Variants in TMPRSS6 observed in about 807,000 individuals in gnomAD.
The protein encoded by TMPRSS6 is transmembrane protease serine 6.
In TMPRSS6, 67 loss-of-function variants were observed where a neutral mutation model predicts 101.5. That is an observed-to-expected ratio of 0.66 (90% CI 0.54 to 0.81). The LOEUF (loss-of-function observed/expected upper bound fraction) is 0.81, where lower values mean the gene tolerates loss of function less well. TMPRSS6 is among the 30% of genes least tolerant of loss of function. TMPRSS6 has a pLI of 0.00. For missense variants in TMPRSS6, 1,034 were observed against 1,088.7 expected (o/e 0.95, Z 0.71); for synonymous variants, 453 against 464.9 (o/e 0.97, Z 0.33).
At chr22:37,075,481 C>CA (rs1927555690) in intron 10 of TMPRSS6, among the ~76,000 whole-genome samples, 1 of 152,222 alleles carries the variant, frequency 6.6e-6, no homozygotes, top group African/African-American at 2.4e-5. Flanking sequence ...CTGCCCTGCT[C>CA]AAAAATCTTC....
chr22:37,089,544 G>GGCCC, intron 7 of TMPRSS6, 34 bp downstream of exon 7: 21 of 1,348,832 alleles, frequency 1.6e-5, no homozygotes, highest in South Asian at 2.4e-5. Flanking sequence ...CCCTTTTCCA[G>GGCCC]CCCTCCCTCC....
At chr22:37,079,003 A>AAG (rs1439886162) in intron 10 of TMPRSS6, among the ~76,000 whole-genome samples, 5 of 150,030 alleles carry the variant, frequency 3.3e-5, no homozygotes, top group African/African-American at 1.3e-4. Context: ...GAAAGAAAGA[A>AAG]AGAAAGAAAG....
At chr22:37,072,218 GGATGGATGGATGGAT>G (rs563906391) in intron 13 of TMPRSS6, among the ~76,000 whole-genome samples, 30,237 of 100,450 alleles carry the variant, frequency 0.3, 5,000 homozygotes, top group African/African-American at 0.49. Flanking sequence ...GATGGATGAT[GGATGGATGGATGGAT>G]GATGGATGGA....
chr22:37,078,948 G>GA lies in TMPRSS6; in HGVS notation c.1197-3669_1197-3668insT, dbSNP rs1761220624. The stretch of plus-strand genomic sequence containing the variant: ...AGAAGAGGAAGAAGGAGAAGGAGAA[G>GA]GAGAAAAAGAGAAAGAAAGAAAGAA... On this transcript the variant is annotated intron_variant, in intron 10 of 17. Coordinates refer to ENST00000676104, the MANE Select transcript of TMPRSS6 (RefSeq NM_001374504.1). Among the ~76,000 whole-genome samples the GA allele has an allele frequency of 1.9e-4, 20 of 102,724 alleles. 1 individual carries two copies. Among genetic ancestry groups the GA allele is most frequent in the Middle Eastern group, 5.1e-3 (1 of 196 alleles). 67.4% of individuals were successfully genotyped at this position (102,724 alleles called of 152,430 possible).
intron 13 of TMPRSS6, among the ~76,000 whole-genome samples, chr22:37,072,820 G>A (rs1285570226): frequency 6.7e-6 from 1 of 148,888 alleles, no homozygotes; most frequent in African/African-American, 2.5e-5. Context: ...ATGGATGATG[G>A]ATGGATGGAT....
chr22:37,066,278 G>A, intron 17 of TMPRSS6, 40 bp from the exon 18 acceptor site: 7 of 1,561,238 alleles, frequency 4.5e-6, no homozygotes, highest in South Asian at 1.2e-5. Context: ...GCAGGGTAAG[G>A]GCACCCCCTT....
intron 14 of TMPRSS6, 61 bp downstream of exon 14, chr22:37,070,854 TC>T (rs1471470776): frequency 6.6e-7 from 1 of 1,526,050 alleles, no homozygotes; most frequent in Non-Finnish European, 9.0e-7. Context: ...CCCTCCAGCT[TC>T]CTGCTGTGGG....
rs756884155 is a variant in TMPRSS6, at chr22:37,103,207, C to T, written c.202+9G>A. 2.5e-6 allele frequency: 4 copies of T among 1,613,800 alleles called. No homozygotes were observed. Among genetic ancestry groups the T allele is most frequent in the Non-Finnish European group, 3.4e-6 (4 of 1,179,872 alleles). ...CAGGTGCCTCTCCCAGGCGGTCCCA[C>T]AACGTTACCTAGGAAATACCAGAGT... On this transcript the variant is annotated intron_variant, in intron 2 of 17. Transcript: ENST00000676104. The surrounding 1 kb of genome is among the most constrained non-coding windows in gnomAD (Gnocchi z 4.4).
chr22:37,085,468 G>T (rs1452998259), intron 8 of TMPRSS6, among the ~76,000 whole-genome samples: 2 of 152,250 alleles, frequency 1.3e-5, no homozygotes, highest in Admixed American at 1.3e-4. Flanking sequence ...ACCGAGAAGA[G>T]GGCTGGGACC....
Position 37,066,971 on chromosome 22 carries a change from G to GCT in TMPRSS6, c.2114-10_2114-9insAG. The GCT allele has an allele frequency of 6.2e-7, 1 of 1,614,130 alleles. No individual in the cohort carries two copies. The highest frequency in any genetic ancestry group is 8.5e-7 in the Non-Finnish European group (1 of 1,180,020). Reference sequence around the variant, plus strand: ...AGCGTTGCTGATGGGGCCTGTCCGTGGTCAAGGGCAGAAGTGAGATCTCAG... The same window carrying GCT: ...AGCGTTGCTGATGGGGCCTGTCCGTGCTGTCAAGGGCAGAAGTGAGATCTCAG... On this transcript the variant is annotated splice_polypyrimidine_tract_variant and intron_variant, in intron 16 of 17. Coordinates refer to ENST00000676104, the MANE Select transcript of TMPRSS6 (RefSeq NM_001374504.1).
intron 5 of TMPRSS6, 90 bp downstream of exon 5, chr22:37,095,816 G>A: frequency 6.5e-7 from 1 of 1,542,832 alleles, no homozygotes; most frequent in South Asian, 1.1e-5. Context: ...CAGCACCCCA[G>A]GCCTGGCAGG....
chr22:37,074,490 TG>T, intron 12 of TMPRSS6, 119 bp downstream of exon 12: 1 of 965,706 alleles, frequency 1.0e-6, no homozygotes, highest in Non-Finnish European at 1.6e-6. Flanking sequence ...CCCCACTTCC[TG>T]GGTGCTCATA....
intron 17 of TMPRSS6, 126 bp downstream of exon 17, chr22:37,066,700 G>T (rs1003669760): frequency 1.6e-6 from 2 of 1,277,658 alleles, no homozygotes; most frequent in Non-Finnish European, 2.2e-6. Flanking sequence ...AGTAGGGGTG[G>T]CCATCACCAC....
chr22:37,077,371 CT>C (rs1351874080), intron 10 of TMPRSS6, among the ~76,000 whole-genome samples: 1 of 152,232 alleles, frequency 6.6e-6, no homozygotes, highest in Non-Finnish European at 1.5e-5. Flanking sequence ...CACGCCTGGC[CT>C]AGACTCTGGC....
At position 37,095,937 on chromosome 22, in the gene TMPRSS6, G is replaced by A. The variant is rs768679890; in HGVS notation, c.558C>T (p.Tyr186=). 23 of 1,614,018 alleles carry A rather than the reference G, an allele frequency of 1.4e-5. No homozygotes were observed. In the East Asian group the frequency reaches 1.8e-4, roughly 13 times the overall value. Residue 186 remains tyrosine (Y), a synonymous_variant, in exon 5 of 18, where the codon TAC becomes TAT. Transcript: ENST00000676104. ...SSAAVPYRAE[Y]EVDPEGLVIL... is the part of the protein sequence containing the mutation. Reference sequence around the variant, plus strand: ...TCACTAGGCCCTCGGGGTCCACTTCGTACTCGGCCCTGTAGGGGACGGCAG... The same window carrying A: ...TCACTAGGCCCTCGGGGTCCACTTCATACTCGGCCCTGTAGGGGACGGCAG...
intron 13 of TMPRSS6, among the ~76,000 whole-genome samples, chr22:37,071,978 A>G (rs1052533639): frequency 1.0e-4 from 15 of 145,966 alleles, no homozygotes; most frequent in African/African-American, 3.9e-4. Context: ...TGATGGATGG[A>G]TGGATGGATG....
rs565002703 is a variant in TMPRSS6 at position 37,096,211 on chromosome 22, A to G, written c.405-121T>C. Reference sequence around the variant, plus strand: ...CAGCCATTGCTGTCCGTCTTCACGCAGAAGCCTCCTAGCGACCTCTGAAGG... The same window carrying G: ...CAGCCATTGCTGTCCGTCTTCACGCGGAAGCCTCCTAGCGACCTCTGAAGG... On this transcript the variant is annotated intron_variant, in intron 4 of 17. Coordinates refer to ENST00000676104, the MANE Select transcript of TMPRSS6 (RefSeq NM_001374504.1). 6 of 1,148,324 alleles carry G rather than the reference A, an allele frequency of 5.2e-6. No individual in the cohort carries two copies. The East Asian group carries it at 1.5e-4, about 29-fold the overall frequency. 71.1% of individuals were successfully genotyped at this position (1,148,324 alleles called of 1,614,324 possible).
At chr22:37,067,373 G>A (rs887485307) in intron 16 of TMPRSS6, among the ~76,000 whole-genome samples, 32 of 152,190 alleles carry the variant, frequency 2.1e-4, no homozygotes, top group African/African-American at 7.7e-4. Context: ...AGGAGGCTGA[G>A]GCAGGAGAAC....
intron 10 of TMPRSS6, among the ~76,000 whole-genome samples, chr22:37,078,954 A>G: frequency 8.4e-6 from 1 of 118,436 alleles, no homozygotes; most frequent in South Asian, 2.7e-4. Context: ...AGAAGGAGAA[A>G]AAGAGAAAGA....
Sources: gnomAD v4.1 joint callset for allele counts (sites outside exome capture counted in the v4.1 genomes callset) on GRCh38, gnomAD v4.1.1 for gene constraint, Gnocchi (gnomAD v3.1) non-coding constraint, MANE v1.5 for transcripts, NCBI Gene and HGNC (gene_info 2026-07-23, HGNC 2026-07-21) for gene names.